Variants in KCNMA1 observed in about 807,000 individuals in gnomAD.
KCNMA1 encodes the protein Calcium-activated potassium channel subunit alpha-1.
KCNMA1 carries 29 observed loss-of-function variants against 140.0 expected under a neutral mutation model. The observed-to-expected ratio is 0.21, with a 90% confidence interval of 0.15 to 0.28. The LOEUF is 0.28. KCNMA1 is among the 10% of genes least tolerant of loss of function. KCNMA1 has a pLI of 1.00. For missense variants in KCNMA1, 880 were observed against 1,602.2 expected (o/e 0.55, Z 7.70); for synonymous variants, 612 against 611.9 (o/e 1.00, Z 0.00).
rs183677344 is a variant in KCNMA1 at position 77,208,206 on chromosome 10, A to C, written c.603-23290T>G. Among the ~76,000 whole-genome samples the C allele has an allele frequency of 4.6e-5, 7 of 152,352 alleles. 1 individual carries two copies. The highest frequency in any genetic ancestry group is 4.6e-4 in the Admixed American group (7 of 15,308). On this transcript the variant is annotated intron_variant, in intron 3 of 27. Transcript: ENST00000286628. The stretch of plus-strand genomic sequence containing the variant: ...ATGAATATTTGGGCTACAAACTTCC[A>C]GCTTGATTCCCTTCTCTTAGTTCCA...
intron 16 of KCNMA1, among the ~76,000 whole-genome samples, chr10:77,024,390 G>GCACAGACAAATACACACT (rs2093195506): frequency 6.6e-6 from 1 of 151,400 alleles, no homozygotes; most frequent in East Asian, 1.9e-4. Context: ...AAATACACAC[G>GCACAGACAAATACACACT]CACAGACACA....
rs77689549 is a variant in KCNMA1 at position 77,135,363 on chromosome 10, G to A, written c.809-14315C>T. On this transcript the variant is annotated intron_variant, in intron 5 of 27. Transcript: ENST00000286628. ...AGGTTAAGTGTTGGTGAGGATGTGGGAAAAAGGAACCCTTGCATACTGTTG... is the reference window on the plus strand; with the variant it reads ...AGGTTAAGTGTTGGTGAGGATGTGGAAAAAAGGAACCCTTGCATACTGTTG... 1.0e-2 allele frequency among the ~76,000 whole-genome samples: 1,520 copies of A among 152,188 alleles called. 66 individuals are homozygous for A. The East Asian group carries it at 0.14, about 14-fold the overall frequency.
At chr10:77,145,336 A>C (rs544871708) in intron 5 of KCNMA1, among the ~76,000 whole-genome samples, 1 of 152,250 alleles carries the variant, frequency 6.6e-6, no homozygotes, top group African/African-American at 2.4e-5. Flanking sequence ...TTTCTTATAA[A>C]TTTGAAATAT....
chr10:77,299,665 A>G (rs1000569723), intron 2 of KCNMA1, among the ~76,000 whole-genome samples: 1 of 152,194 alleles, frequency 6.6e-6, no homozygotes, highest in African/African-American at 2.4e-5. Context: ...GAAAAGGGAA[A>G]AACAAAGAGG....
chr10:77,426,864 C>T (rs2097012393), intron 1 of KCNMA1, among the ~76,000 whole-genome samples: 1 of 152,240 alleles, frequency 6.6e-6, no homozygotes, highest in Non-Finnish European at 1.5e-5. Context: ...CGCTTTCCAA[C>T]TTGTGACCTG....
chr10:77,027,577 A>C (rs1419900755), intron 16 of KCNMA1, among the ~76,000 whole-genome samples: 1 of 152,196 alleles, frequency 6.6e-6, no homozygotes, highest in East Asian at 1.9e-4. Flanking sequence ...TTGAGGACTC[A>C]TCCCTCTTCC....
intron 1 of KCNMA1, among the ~76,000 whole-genome samples, chr10:77,583,188 C>A (rs1470435365): frequency 2.0e-5 from 3 of 152,224 alleles, no homozygotes; most frequent in Admixed American, 6.5e-5. Context: ...TGGTCCTGAA[C>A]CTTGCTTCTG....
At chr10:77,096,412 T>A (rs1228819969) in intron 9 of KCNMA1, among the ~76,000 whole-genome samples, 1 of 152,174 alleles carries the variant, frequency 6.6e-6, no homozygotes, top group Non-Finnish European at 1.5e-5. Context: ...AATCGCTTCC[T>A]AACTGATTTC....
chr10:76,981,589 C>A (rs761089356), intron 19 of KCNMA1, among the ~76,000 whole-genome samples: 1 of 152,060 alleles, frequency 6.6e-6, no homozygotes, highest in African/African-American at 2.4e-5. Flanking sequence ...AGAGGCATGG[C>A]GGGGTAGAGA....
intron 5 of KCNMA1, among the ~76,000 whole-genome samples, chr10:77,153,455 TCA>T (rs1445666406): frequency 6.6e-6 from 1 of 152,112 alleles, no homozygotes; most frequent in Non-Finnish European, 1.5e-5. Context: ...CACTGCAACC[TCA>T]GTCTCCAGGG....
intron 2 of KCNMA1, among the ~76,000 whole-genome samples, chr10:77,295,042 ATAGATCATTAAGAAATAGTG>A (rs1321489177): frequency 1.3e-5 from 2 of 152,172 alleles, no homozygotes; most frequent in Non-Finnish European, 2.9e-5. Flanking sequence ...TCTGATGTGA[ATAGATCATTAAGAAATAGTG>A]TGAGGCCGGG....
intron 1 of KCNMA1, among the ~76,000 whole-genome samples, chr10:77,613,057 C>T (rs1343927753): frequency 6.6e-6 from 1 of 152,170 alleles, no homozygotes; most frequent in East Asian, 1.9e-4. Context: ...TGTCTTCTAC[C>T]TCTTGGGATG....
chr10:77,557,426 C>G (rs1462689754), intron 1 of KCNMA1, among the ~76,000 whole-genome samples: 2 of 152,156 alleles, frequency 1.3e-5, no homozygotes, highest in Admixed American at 1.3e-4. Flanking sequence ...ATAATATTTG[C>G]CCAACTGGGT....
At chr10:76,880,606 T>G (rs1008305831), downstream of KCNMA1, among the ~76,000 whole-genome samples, 1 of 152,234 alleles carries the variant, frequency 6.6e-6, no homozygotes, top group African/African-American at 2.4e-5. Flanking sequence ...GGAACACACA[T>G]TTCAATGATC....
chr10:77,304,090 A>G (rs2077130023), intron 2 of KCNMA1, among the ~76,000 whole-genome samples: 1 of 152,170 alleles, frequency 6.6e-6, no homozygotes, highest in Non-Finnish European at 1.5e-5. Context: ...AAGAACCACA[A>G]TGGGTCCCTT....
intron 1 of KCNMA1, among the ~76,000 whole-genome samples, chr10:77,609,919 C>G (rs546372028): frequency 7.5e-4 from 114 of 152,298 alleles, no homozygotes; most frequent in Admixed American, 6.9e-3. Context: ...ATAGCAGAAG[C>G]TGCAAGTAAA....
At chr10:77,407,385 C>A (rs1269759815) in intron 1 of KCNMA1, among the ~76,000 whole-genome samples, 1 of 152,210 alleles carries the variant, frequency 6.6e-6, no homozygotes, top group African/African-American at 2.4e-5. Context: ...GGTTCAGTAG[C>A]CTTGCTGGGA....
chr10:76,897,690 C>A (rs2043173619), intron 25 of KCNMA1, among the ~76,000 whole-genome samples: 1 of 151,484 alleles, frequency 6.6e-6, no homozygotes. Context: ...ATATTTAAAA[C>A]AGAATTGTAA....
intron 7 of KCNMA1, among the ~76,000 whole-genome samples, chr10:77,112,147 T>G (rs998796307): frequency 1.3e-5 from 2 of 152,132 alleles, no homozygotes; most frequent in Admixed American, 6.5e-5. Flanking sequence ...AGCAATGAAC[T>G]GAAAAATGCA....
Sources: gnomAD v4.1 joint callset for allele counts (sites outside exome capture counted in the v4.1 genomes callset) on GRCh38, gnomAD v4.1.1 for gene constraint, MANE v1.5 for transcripts, NCBI Gene and HGNC (gene_info 2026-07-23, HGNC 2026-07-21) for gene names.